Variants in KIAA0319L observed in about 807,000 individuals in gnomAD.
KIAA0319L encodes the protein KIAA0319 like.
In KIAA0319L, 55 loss-of-function variants were observed where a neutral mutation model predicts 120.1. The observed-to-expected ratio is 0.46, with a 90% confidence interval of 0.37 to 0.57. The LOEUF (loss-of-function observed/expected upper bound fraction) is 0.57. Ranked by LOEUF, KIAA0319L falls within the 20% of genes least tolerant of loss-of-function variation. The probability of loss-of-function intolerance (pLI) is 0.00; values close to 1 mark genes in which losing one functional copy is unlikely to be tolerated. For missense variants in KIAA0319L, 1,049 were observed against 1,255.3 expected (o/e 0.84, Z 2.48); for synonymous variants, 398 against 471.9 (o/e 0.84, Z 2.03).
chr1:35,551,338 G>A (rs1647190215), intron 2 of KIAA0319L, among the ~76,000 whole-genome samples: 2 of 151,950 alleles, frequency 1.3e-5, no homozygotes, highest in Middle Eastern at 3.4e-3. Flanking sequence ...TTTCCTTTCA[G>A]ATGGAGTCTC....
chr1:35,441,265 C>T (rs1641196188), intron 19 of KIAA0319L, 127 bp from the exon 20 acceptor site: 1 of 748,708 alleles, frequency 1.3e-6, no homozygotes, highest in Non-Finnish European at 2.3e-6. Flanking sequence ...CCTCTCCTCA[C>T]TTCTCAGCCA....
chr1:35,538,761 T>C (rs754533883), intron 2 of KIAA0319L, among the ~76,000 whole-genome samples: 14 of 152,160 alleles, frequency 9.2e-5, no homozygotes, highest in Non-Finnish European at 1.9e-4. Context: ...GTTTGGTTTA[T>C]TTATGGCAAT....
intron 7 of KIAA0319L, among the ~76,000 whole-genome samples, chr1:35,465,335 A>C (rs1570698292): frequency 6.6e-6 from 1 of 152,196 alleles, no homozygotes; most frequent in East Asian, 1.9e-4. Context: ...TGGATGTGAG[A>C]CATGGAGTCA....
chr1:35,524,293 G>A (rs1160554729), intron 2 of KIAA0319L, among the ~76,000 whole-genome samples: 2 of 152,230 alleles, frequency 1.3e-5, no homozygotes, highest in African/African-American at 4.8e-5. Context: ...GGAGAAAGTT[G>A]TAAGACTGGT....
At chr1:35,442,839 C>T in intron 18 of KIAA0319L, 67 bp downstream of exon 18, 2 of 1,598,880 alleles carry the variant, frequency 1.3e-6, no homozygotes, top group East Asian at 4.5e-5. Context: ...CACCAACACC[C>T]ACCCACTCAG....
intron 1 of KIAA0319L, among the ~76,000 whole-genome samples, chr1:35,555,850 C>G (rs1647921886): frequency 6.6e-6 from 1 of 152,168 alleles, no homozygotes; most frequent in Admixed American, 6.5e-5. Context: ...AAATGAATAG[C>G]TTTTGAAAAA....
chr1:35,443,565 G>A lies in KIAA0319L; in HGVS notation c.2657-537C>T, dbSNP rs559963185. Reference sequence around the variant, plus strand: ...TGCATGCCTGTAATCCCAGCTATTTGGGAGGCTGAGGCAGGAGAATCACTT... The same window carrying A: ...TGCATGCCTGTAATCCCAGCTATTTAGGAGGCTGAGGCAGGAGAATCACTT... On this transcript the variant is annotated intron_variant, in intron 17 of 20. Coordinates refer to ENST00000325722, the MANE Select transcript of KIAA0319L (RefSeq NM_024874.5). Among the ~76,000 whole-genome samples the A allele has an allele frequency of 5.8e-3, 879 of 152,162 alleles. 12 individuals are homozygous for A. The highest frequency in any genetic ancestry group is 0.02 in the African/African-American group (848 of 41,476).
intron 3 of KIAA0319L, among the ~76,000 whole-genome samples, chr1:35,503,861 C>G (rs1279929379): frequency 6.6e-6 from 1 of 151,660 alleles, no homozygotes; most frequent in Non-Finnish European, 1.5e-5. Flanking sequence ...TTAATGAATA[C>G]TAAGTATATT....
At chr1:35,502,551 C>T (rs1187170264) in intron 3 of KIAA0319L, among the ~76,000 whole-genome samples, 8 of 151,554 alleles carry the variant, frequency 5.3e-5, no homozygotes, top group Non-Finnish European at 8.8e-5. Context: ...GAGCTCCTTG[C>T]CTCCAATAAA....
intron 2 of KIAA0319L, among the ~76,000 whole-genome samples, chr1:35,540,252 G>C (rs1646738310): frequency 6.6e-6 from 1 of 152,162 alleles, no homozygotes; most frequent in Non-Finnish European, 1.5e-5. Flanking sequence ...TCACCATTCA[G>C]GGACATTCAT....
intron 2 of KIAA0319L, among the ~76,000 whole-genome samples, chr1:35,540,985 G>A (rs1235988162): frequency 2.6e-5 from 4 of 151,714 alleles, no homozygotes; most frequent in Admixed American, 6.6e-5. Flanking sequence ...TCTGTGGCCC[G>A]GGCTGGAGTG....
intron 3 of KIAA0319L, among the ~76,000 whole-genome samples, chr1:35,504,417 C>T (rs1352366912): frequency 4.6e-5 from 7 of 152,106 alleles, no homozygotes; most frequent in South Asian, 2.1e-4. Context: ...AGAATGGTCT[C>T]GATCTCCTGA....
At chr1:35,554,063 C>A (rs947882542) in intron 2 of KIAA0319L, among the ~76,000 whole-genome samples, 1 of 152,184 alleles carries the variant, frequency 6.6e-6, no homozygotes, top group African/African-American at 2.4e-5. Context: ...AGGTAATTTG[C>A]TCAAGGTTTT....
chr1:35,482,875 C>A (rs1644231386), intron 3 of KIAA0319L, among the ~76,000 whole-genome samples: 2 of 152,190 alleles, frequency 1.3e-5, no homozygotes, highest in Admixed American at 6.5e-5. Flanking sequence ...GTACCACCAC[C>A]AGTGTATTTC....
In KIAA0319L at chr1:35,460,529, T is replaced by C. The variant is rs563629675; in HGVS notation, c.1295-92A>G. The C allele has an allele frequency of 1.4e-5, 17 of 1,176,078 alleles. No homozygotes were observed. In the East Asian group the frequency reaches 2.2e-4, roughly 15 times the overall value. 72.9% of individuals were successfully genotyped at this position (1,176,078 alleles called of 1,614,324 possible). ...CAAACCAGGACAACTACCCAGAGAT[T>C]TGAAGCTAGGAAAACTTCATGAAAT... On this transcript the variant is annotated intron_variant, in intron 8 of 20. Transcript: ENST00000325722.
chr1:35,444,127 A>G, intron 17 of KIAA0319L, 34 bp downstream of exon 17: 1 of 1,556,518 alleles, frequency 6.4e-7, no homozygotes, highest in Non-Finnish European at 8.7e-7. Flanking sequence ...GGCACTAGGT[A>G]GGCTCTTGCT....
intron 2 of KIAA0319L, among the ~76,000 whole-genome samples, chr1:35,536,829 T>C (rs1001751503): frequency 6.6e-6 from 1 of 151,552 alleles, no homozygotes; most frequent in East Asian, 1.9e-4. Flanking sequence ...AAGGGCTTTA[T>C]AATATTTAAA....
rs902951730 is a variant in KIAA0319L at position 35,437,672 on chromosome 1, C to A, written c.2963-2591G>T. On this transcript the variant is annotated intron_variant, in intron 20 of 20. Coordinates refer to ENST00000325722, the MANE Select transcript of KIAA0319L (RefSeq NM_024874.5). This position sits in a 1 kb window ranked among gnomAD's most constrained non-coding sequence, Gnocchi z 4.1. ...TGCAGCAGCAAACACCGACGGCTGT[C>A]CCCTAATGAATCCCCTCCTCCCTCC... 6.6e-6 allele frequency among the ~76,000 whole-genome samples: 1 copy of A among 152,128 alleles called. No homozygotes were observed. The highest frequency in any genetic ancestry group is 1.5e-5 in the Non-Finnish European group (1 of 68,026).
intron 2 of KIAA0319L, among the ~76,000 whole-genome samples, chr1:35,549,864 T>C (rs1647133941): frequency 6.6e-6 from 1 of 152,344 alleles, no homozygotes. Context: ...ACAAATATTT[T>C]ATGCATCTAC....
Sources: allele counts gnomAD v4.1 joint callset (sites outside exome capture counted in the v4.1 genomes callset), GRCh38; gene constraint gnomAD v4.1.1; non-coding constraint Gnocchi (gnomAD v3.1); transcripts MANE v1.5; gene names NCBI Gene and HGNC (gene_info 2026-07-23, HGNC 2026-07-21).